DISP3: variants seen among roughly 807,000 people sequenced by gnomAD.
DISP3 encodes dispatched RND transporter family member 3.
A neutral mutation model predicts 135.3 loss-of-function variants in DISP3; 101 were observed. The ratio of observed to expected loss-of-function variants is 0.75; its 90% confidence interval spans 0.64 to 0.88. The LOEUF (loss-of-function observed/expected upper bound fraction) is 0.88, where lower values mean the gene tolerates loss of function less well. DISP3 is among the 40% of genes least tolerant of loss of function. The pLI is 0.00. For missense variants in DISP3, 1,713 were observed against 1,878.6 expected, an observed-to-expected ratio of 0.91 and a Z score of 1.63; for synonymous variants, 856 against 817.0, an observed-to-expected ratio of 1.05 and a Z score of -0.81.
At chr1:11,530,571 G>A (rs1242434414) in intron 15 of DISP3, among the ~76,000 whole-genome samples, 2 of 152,122 alleles carry the variant, frequency 1.3e-5, no homozygotes, top group Non-Finnish European at 2.9e-5. Flanking sequence ...CAGGGGTGGG[G>A]GGACCAGGCA....
At chr1:11,522,882 G>A (rs1417726299) in intron 10 of DISP3, among the ~76,000 whole-genome samples, 156 of 49,346 alleles carry the variant, frequency 3.2e-3, no homozygotes, top group East Asian at 0.015. Flanking sequence ...CCCAGCCAGA[G>A]CCCAGCCAGG....
chr1:11,482,650 AG>A (rs1422380892), intron 1 of DISP3, among the ~76,000 whole-genome samples: 5 of 152,214 alleles, frequency 3.3e-5, no homozygotes, highest in Non-Finnish European at 1.5e-5. Context: ...CTCAGTGATT[AG>A]CCTTTTTGGT....
chr1:11,525,442 C>T (rs1240232532), intron 12 of DISP3, 130 bp downstream of exon 12: 1 of 1,169,546 alleles, frequency 8.6e-7, no homozygotes, highest in Non-Finnish European at 1.1e-6. Flanking sequence ...CCCCCCTCCC[C>T]TAAACCAGCC....
chr1:11,522,869 GA>G (rs1642276190), intron 10 of DISP3, among the ~76,000 whole-genome samples: 1 of 94,592 alleles, frequency 1.1e-5, no homozygotes, highest in Admixed American at 1.1e-4. Flanking sequence ...GACCCAGCCA[GA>G]GCCCAGCCAG....
At position 11,501,112 on chromosome 1, in the gene DISP3, A is replaced by AGG; in HGVS notation, c.124_125dup (p.Gln43AspfsTer185). On this transcript the variant is annotated frameshift_variant, in exon 2 of 21. Transcript: ENST00000294484. LOFTEE classifies it high-confidence loss of function. The surrounding 1 kb of genome is among the most constrained non-coding windows in gnomAD (Gnocchi z 4.9). ...AGAAGCCAGGGCCCCAACCTGGGGCAGGGGGACAGTGTTGCTGGCGGCACT... is the reference window on the plus strand; with the variant it reads ...AGAAGCCAGGGCCCCAACCTGGGGCAGGGGGGGACAGTGTTGCTGGCGGCACT... 6.2e-7 allele frequency: 1 copy of AGG among 1,613,938 alleles called. No individual in the cohort carries two copies. Among genetic ancestry groups the AGG allele is most frequent in the Non-Finnish European group, 8.5e-7 (1 of 1,179,928 alleles).
intron 1 of DISP3, among the ~76,000 whole-genome samples, chr1:11,487,552 C>A (rs1336576223): frequency 1.3e-5 from 2 of 152,260 alleles, no homozygotes; most frequent in African/African-American, 4.8e-5. Flanking sequence ...TTCCCGCTGT[C>A]ACCAGCCTAA....
At chr1:11,522,341 G>A (rs1642220557) in intron 10 of DISP3, among the ~76,000 whole-genome samples, 4 of 152,106 alleles carry the variant, frequency 2.6e-5, no homozygotes, top group Admixed American at 2.6e-4. Flanking sequence ...CCAAATGCGT[G>A]ATAATCCACT....
chr1:11,515,590 T>A, intron 5 of DISP3, 87 bp downstream of exon 5: 1 of 1,512,382 alleles, frequency 6.6e-7, no homozygotes, highest in Non-Finnish European at 8.9e-7. Flanking sequence ...AAGCCTGGCT[T>A]CCCTGGGGGC....
chr1:11,504,619 G>C (rs1233712141), intron 3 of DISP3, among the ~76,000 whole-genome samples: 1 of 152,182 alleles, frequency 6.6e-6, no homozygotes, highest in Non-Finnish European at 1.5e-5. Flanking sequence ...GTGGGAGTGA[G>C]CTAGTTCTCA....
intron 10 of DISP3, among the ~76,000 whole-genome samples, chr1:11,521,114 C>G (rs916786026): frequency 6.6e-6 from 1 of 152,052 alleles, no homozygotes; most frequent in African/African-American, 2.4e-5. Context: ...AGGGCCCGGT[C>G]ACTGTAATAG....
intron 10 of DISP3, among the ~76,000 whole-genome samples, chr1:11,523,490 T>C (rs1335237356): frequency 1.9e-5 from 2 of 107,980 alleles, no homozygotes; most frequent in African/African-American, 7.6e-5. Context: ...GGGGGCAGAG[T>C]GGCACAGAGA....
intron 1 of DISP3, among the ~76,000 whole-genome samples, chr1:11,493,972 T>C (rs1557594407): frequency 6.6e-6 from 1 of 152,202 alleles, no homozygotes; most frequent in African/African-American, 2.4e-5. Flanking sequence ...TGTGGTCTTA[T>C]GGGGATGGGG....
Position 11,515,461 on chromosome 1 carries a change from G to A in DISP3, c.1546G>A (p.Gly516Ser). 2 of 1,613,258 alleles carry A rather than the reference G, an allele frequency of 1.2e-6. No individual in the cohort carries two copies. The highest frequency in any genetic ancestry group is 1.7e-6 in the Non-Finnish European group (2 of 1,179,570). The change falls in exon 5 of 21, where the codon GGC (glycine) becomes AGC (serine). Residue 516 changes from glycine (G) to serine (S), a missense_variant. Gly to Ser is a moderately conservative substitution (Grantham distance 56). Coordinates refer to ENST00000294484, the MANE Select transcript of DISP3 (RefSeq NM_020780.2). The part of the protein sequence containing the change: ...YHVVFGIQYL[G>S]ILNGVAAFVI... ...CGTGGTCTTTGGTATCCAGTACTTG[G>A]GCATCCTGAATGGGGTGGCCGCCTT... is the stretch of plus-strand genomic sequence containing the variant.
In DISP3 at chr1:11,528,084, A is replaced by G. The variant is rs141703841; in HGVS notation, c.2798+1249A>G. ...GTACAAATAAGTACTTGCTGAATGA[A>G]TGAATGAGTACACTCCACACTTCCT... On this transcript the variant is annotated intron_variant, in intron 13 of 20. Transcript: ENST00000294484. Among the ~76,000 whole-genome samples, 423 of 152,340 alleles carry G rather than the reference A, an allele frequency of 2.8e-3. 3 individuals carry two copies. Among genetic ancestry groups the G allele is most frequent in the African/African-American group, 9.2e-3 (384 of 41,584 alleles).
At chr1:11,535,950 C>T (rs927852908) in intron 20 of DISP3, among the ~76,000 whole-genome samples, 10 of 152,160 alleles carry the variant, frequency 6.6e-5, no homozygotes, top group African/African-American at 1.4e-4. Context: ...CTTCCAGCCA[C>T]GACCCAGAGG....
At chr1:11,492,121 CAAAAAAAAAAA>C (rs59755389) in intron 1 of DISP3, among the ~76,000 whole-genome samples, 1,174 of 62,170 alleles carry the variant, frequency 0.019, 21 homozygotes, top group African/African-American at 0.067. Context: ...GACTCCGTCT[CAAAAAAAAAAA>C]AAAAAAAAAA....
Position 11,525,159 on chromosome 1 carries a change from C to G in DISP3, c.2477-17C>G, listed in dbSNP as rs1383918394. The G allele has an allele frequency of 6.2e-7, 1 of 1,612,422 alleles. No homozygotes were observed. The highest frequency in any genetic ancestry group is 2.2e-5 in the East Asian group (1 of 44,810). On this transcript the variant is annotated splice_polypyrimidine_tract_variant and intron_variant, in intron 11 of 20. Coordinates refer to ENST00000294484, the MANE Select transcript of DISP3 (RefSeq NM_020780.2). ...GAGGTCAAGTCCACCCCTCTTTCAT[C>G]CCTTATTTGTCCGTAGATTTCCCAG...
At chr1:11,514,556 T>A (rs761849826) in intron 4 of DISP3, 30 bp downstream of exon 4, 1 of 1,606,026 alleles carries the variant, frequency 6.2e-7, no homozygotes, top group African/African-American at 1.3e-5. Context: ...AGCCCCCTCC[T>A]CCCCTCCCAG....
At chr1:11,525,542 A>T (rs1222625386) in intron 12 of DISP3, among the ~76,000 whole-genome samples, 1 of 103,836 alleles carries the variant, frequency 9.6e-6, no homozygotes. Flanking sequence ...GCCATTTATT[A>T]ACTGTGTGTC....
Sources: gnomAD v4.1 joint callset for allele counts (sites outside exome capture counted in the v4.1 genomes callset) on GRCh38, gnomAD v4.1.1 for gene constraint, Gnocchi (gnomAD v3.1) non-coding constraint, MANE v1.5 for transcripts, NCBI Gene and HGNC (gene_info 2026-07-23, HGNC 2026-07-21) for gene names.